Variants in SRPK2 observed in about 807,000 individuals in gnomAD.
SRPK2 encodes the protein SFRS protein kinase 2.
SRPK2 carries 21 observed loss-of-function variants against 90.8 expected under a neutral mutation model. The observed-to-expected ratio is 0.23, with a 90% CI of 0.16 to 0.33. SRPK2 has a LOEUF of 0.33. SRPK2 is among the 10% of genes least tolerant of loss of function. The probability of loss-of-function intolerance (pLI) is 1.00; values close to 1 mark genes in which losing one functional copy is unlikely to be tolerated. For synonymous variants in SRPK2, 288 were observed against 311.1 expected, an observed-to-expected ratio of 0.93 and a Z score of 0.78; for missense variants, 620 against 869.0, an observed-to-expected ratio of 0.71 and a Z score of 3.60.
chr7:105,395,314 AC>A (rs565944168), intron 1 of SRPK2, among the ~76,000 whole-genome samples: 9 of 151,460 alleles, frequency 5.9e-5, no homozygotes, highest in African/African-American at 1.7e-4. Context: ...ACATAGTGAG[AC>A]CCCCCCACCT....
chr7:105,321,241 A>G (rs1456322263), intron 2 of SRPK2, among the ~76,000 whole-genome samples: 1 of 152,214 alleles, frequency 6.6e-6, no homozygotes, highest in Non-Finnish European at 1.5e-5. Flanking sequence ...ACTATTCAAC[A>G]AATGGTGCTA....
In SRPK2 at chr7:105,218,942, T is replaced by TA. The variant is rs3837107; in HGVS notation, c.72-15158dup. Among the ~76,000 whole-genome samples, 192 of 151,924 alleles carry TA rather than the reference T, an allele frequency of 1.3e-3. 1 individual carries two copies. The East Asian group carries it at 0.036, about 28-fold the overall frequency. ...GAACAAGAAATTCAACAATTTTTTT[T>TA]AAAAAAATAATGAGAATAGAGAAGA... On this transcript the variant is annotated intron_variant, in intron 2 of 15. Coordinates refer to ENST00000393651, the MANE Select transcript of SRPK2 (RefSeq NM_182692.3).
intron 7 of SRPK2, among the ~76,000 whole-genome samples, chr7:105,149,696 G>A (rs1042908335): frequency 6.6e-6 from 1 of 152,122 alleles, no homozygotes; most frequent in Non-Finnish European, 1.5e-5. Flanking sequence ...CAGTTTAATC[G>A]ACAGTGGAAG....
intron 3 of SRPK2, among the ~76,000 whole-genome samples, chr7:105,174,998 A>T (rs1791646570): frequency 6.6e-6 from 1 of 152,116 alleles, no homozygotes; most frequent in African/African-American, 2.4e-5. Flanking sequence ...TACAAAAATT[A>T]GCTGGGCGTG....
Position 105,159,448 on chromosome 7 carries a change from C to CAAAAAAAAA in SRPK2, c.621+1050_621+1058dup, listed in dbSNP as rs765544583. The stretch of plus-strand genomic sequence containing the variant: ...GGGTGACAGAGCGAGACTCCGTCTC[C>CAAAAAAAAA]AAAAAAAAAAAAAAAAAAAAAAAAA... On this transcript the variant is annotated intron_variant, in intron 7 of 15. Coordinates refer to ENST00000393651, the MANE Select transcript of SRPK2 (RefSeq NM_182692.3). Among the ~76,000 whole-genome samples the CAAAAAAAAA allele has an allele frequency of 2.7e-3, 88 of 33,072 alleles. 1 individual carries two copies. Among genetic ancestry groups the CAAAAAAAAA allele is most frequent in the Non-Finnish European group, 3.7e-3 (59 of 15,872 alleles). The allele number at this position is 33,072 out of a possible 152,430, so 21.7% of individuals were successfully genotyped here. A position where few individuals can be genotyped will look rare whatever the true frequency, so the allele number is the denominator to read the frequency against.
chr7:105,376,161 A>ATTTTT (rs1424390270), intron 2 of SRPK2, among the ~76,000 whole-genome samples: 34 of 151,120 alleles, frequency 2.2e-4, no homozygotes, highest in Non-Finnish European at 1.3e-4. Flanking sequence ...CACCCAGCAA[A>ATTTTT]TTTTTTGTAT....
chr7:105,363,542 G>C (rs1818677805), intron 2 of SRPK2, among the ~76,000 whole-genome samples: 1 of 152,182 alleles, frequency 6.6e-6, no homozygotes, highest in African/African-American at 2.4e-5. Flanking sequence ...GTGCTGGAGA[G>C]GATGTGGAGA....
intron 2 of SRPK2, chr7:105,306,626 T>C: frequency 2.6e-6 from 1 of 383,350 alleles, no homozygotes; most frequent in South Asian, 1.9e-5. Context: ...ACTGCTATCC[T>C]CTCGTTGGCA....
In SRPK2 at chr7:105,351,729, G is replaced by A. The variant is rs181805049; in HGVS notation, c.71+36919C>T. Among the ~76,000 whole-genome samples the A allele has an allele frequency of 4.6e-3, 702 of 151,360 alleles. 11 individuals carry two copies. In the East Asian group the frequency reaches 0.054, roughly 12 times the overall value. On this transcript the variant is annotated intron_variant, in intron 2 of 15. Coordinates refer to ENST00000393651, the MANE Select transcript of SRPK2 (RefSeq NM_182692.3). Reference sequence around the variant, plus strand: ...TGAGGCAGCAAAATCGCTTGAACCCGGGGGGCGGAGGCTGCAGTGAGCCAA... The same window carrying A: ...TGAGGCAGCAAAATCGCTTGAACCCAGGGGGCGGAGGCTGCAGTGAGCCAA...
At chr7:105,346,020 AAACTT>A (rs1298342183) in intron 2 of SRPK2, among the ~76,000 whole-genome samples, 6 of 152,038 alleles carry the variant, frequency 3.9e-5, no homozygotes, top group African/African-American at 1.2e-4. Context: ...CATTAAGATG[AAACTT>A]AACTTCTTTC....
chr7:105,233,475 G>C (rs1799763359), intron 2 of SRPK2, among the ~76,000 whole-genome samples: 1 of 152,188 alleles, frequency 6.6e-6, no homozygotes, highest in Non-Finnish European at 1.5e-5. Context: ...TGGAGAACTT[G>C]CATATGAGAG....
chr7:105,220,582 GAACT>G (rs1281109838), intron 2 of SRPK2, among the ~76,000 whole-genome samples: 2 of 152,024 alleles, frequency 1.3e-5, no homozygotes, highest in African/African-American at 2.4e-5. Context: ...AATTGTAAAA[GAACT>G]AACATTAAGA....
intron 2 of SRPK2, among the ~76,000 whole-genome samples, chr7:105,298,245 G>A (rs1009536398): frequency 6.6e-6 from 1 of 152,120 alleles, no homozygotes; most frequent in African/African-American, 2.4e-5. Context: ...ATGCTTTTGA[G>A]TCTAGCTTCT....
chr7:105,175,809 C>G (rs1369672697), intron 3 of SRPK2, among the ~76,000 whole-genome samples: 1 of 150,672 alleles, frequency 6.6e-6, no homozygotes, highest in Non-Finnish European at 1.5e-5. Flanking sequence ...ACTCAAGGTC[C>G]AAACAGAAAA....
At chr7:105,170,825 G>GAGAAAGGAAGAA (rs1487058476) in intron 3 of SRPK2, among the ~76,000 whole-genome samples, 3 of 104,348 alleles carry the variant, frequency 2.9e-5, no homozygotes, top group African/African-American at 1.3e-4. Flanking sequence ...GGGAGAGAAA[G>GAGAAAGGAAGAA]AGAAAGAAAG....
At chr7:105,176,739 ATG>A (rs1791984102) in intron 3 of SRPK2, among the ~76,000 whole-genome samples, 2 of 91,198 alleles carry the variant, frequency 2.2e-5, no homozygotes, top group Admixed American at 1.5e-4. Flanking sequence ...GTATGTATGT[ATG>A]TGTGTATATG....
intron 2 of SRPK2, among the ~76,000 whole-genome samples, chr7:105,354,872 T>C (rs889449336): frequency 6.6e-6 from 1 of 152,078 alleles, no homozygotes; most frequent in African/African-American, 2.4e-5. Flanking sequence ...AAGAAACACA[T>C]ACCCATCAAC....
chr7:105,305,533 A>T (rs1811054393), intron 2 of SRPK2, among the ~76,000 whole-genome samples: 1 of 152,216 alleles, frequency 6.6e-6, no homozygotes, highest in African/African-American at 2.4e-5. Context: ...AATGCATCTG[A>T]CAGATAAATC....
At chr7:105,245,706 A>G (rs940286471) in intron 2 of SRPK2, among the ~76,000 whole-genome samples, 1 of 152,108 alleles carries the variant, frequency 6.6e-6, no homozygotes, top group African/African-American at 2.4e-5. Flanking sequence ...CTGCATTTAG[A>G]AAACACTTTT....
Sources: allele counts gnomAD v4.1 joint callset (sites outside exome capture counted in the v4.1 genomes callset), GRCh38; gene constraint gnomAD v4.1.1; transcripts MANE v1.5; gene names NCBI Gene and HGNC (gene_info 2026-07-23, HGNC 2026-07-21).